Variants in FARP2 observed in about 807,000 individuals in gnomAD.
The protein encoded by FARP2 is FERM, ARH/RhoGEF and pleckstrin domain protein 2.
Under a neutral mutation model 130.5 loss-of-function variants are expected in FARP2, and 111 were observed. That is an observed-to-expected ratio of 0.85 (90% CI 0.73 to 1.00). The LOEUF is 1.00. FARP2 is among the 50% of genes least tolerant of loss of function. The pLI, the probability that FARP2 is intolerant of heterozygous loss-of-function variation, is 0.00. For missense variants in FARP2, 1,385 were observed against 1,346.3 expected, an observed-to-expected ratio of 1.03 and a Z score of -0.45; for synonymous variants, 504 against 516.9, an observed-to-expected ratio of 0.98 and a Z score of 0.34.
At chr2:241,429,197 G>GA (rs1157639688) in intron 8 of FARP2, among the ~76,000 whole-genome samples, 1 of 152,178 alleles carries the variant, frequency 6.6e-6, no homozygotes, top group Non-Finnish European at 1.5e-5. Flanking sequence ...AAACAGCACA[G>GA]AAAGGTCCTG....
chr2:241,445,136 T>C (rs1337583005), intron 13 of FARP2: 1 of 149,948 alleles, frequency 6.7e-6, no homozygotes, highest in Non-Finnish European at 1.5e-5. Flanking sequence ...CTCTTCATGT[T>C]GCCCAGGATG....
At chr2:241,360,657 G>A (rs1277580484) in intron 1 of FARP2, among the ~76,000 whole-genome samples, 1 of 144,322 alleles carries the variant, frequency 6.9e-6, no homozygotes, top group East Asian at 2.1e-4. Context: ...CTGGGTGACA[G>A]AGCGAGACTC....
chr2:241,476,184 G>C (rs2064454091), intron 19 of FARP2, among the ~76,000 whole-genome samples, 197 bp downstream of exon 19: 1 of 142,298 alleles, frequency 7.0e-6, no homozygotes, highest in African/African-American at 2.6e-5. Context: ...ACCAGACTGA[G>C]CAACACAGGG....
intron 13 of FARP2, among the ~76,000 whole-genome samples, chr2:241,451,880 G>A (rs1275036549): frequency 1.3e-5 from 2 of 151,812 alleles, no homozygotes; most frequent in African/African-American, 4.8e-5. Flanking sequence ...TCAGCCTCCC[G>A]AGTAGCTAGA....
At chr2:241,474,676 C>T (rs149679796) in intron 18 of FARP2, among the ~76,000 whole-genome samples, 3,123 of 151,866 alleles carry the variant, frequency 0.021, 50 homozygotes, top group Non-Finnish European at 0.031. Context: ...TCTGTAGTCC[C>T]CGCTACTCGG....
chr2:241,438,251 T>C (rs1048462502), intron 12 of FARP2, among the ~76,000 whole-genome samples: 1 of 152,166 alleles, frequency 6.6e-6, no homozygotes, highest in African/African-American at 2.4e-5. Flanking sequence ...CACTTGCACC[T>C]CATTATATTA....
rs145227767 is a variant in FARP2, at chr2:241,429,868, A to G, written c.772-1811A>G. Among the ~76,000 whole-genome samples the G allele has an allele frequency of 5.4e-3, 825 of 152,352 alleles. 13 individuals are homozygous for G. Among genetic ancestry groups the G allele is most frequent in the African/African-American group, 0.019 (772 of 41,576 alleles). On this transcript the variant is annotated intron_variant, in intron 8 of 26. Coordinates refer to ENST00000264042, the MANE Select transcript of FARP2 (RefSeq NM_014808.4). Reference sequence around the variant, plus strand: ...GAGGCTGAGACAGGATGATTGCTTAAGCCCAGGAGTTTGAGACTCCTTATC... The same window carrying G: ...GAGGCTGAGACAGGATGATTGCTTAGGCCCAGGAGTTTGAGACTCCTTATC...
intron 4 of FARP2, among the ~76,000 whole-genome samples, chr2:241,405,936 A>G (rs1289626200): frequency 6.6e-6 from 1 of 151,460 alleles, no homozygotes; most frequent in Non-Finnish European, 1.5e-5. Context: ...TGCATCTGAG[A>G]AAAAAAAAGT....
chr2:241,467,051 T>C (rs937549325), intron 17 of FARP2, among the ~76,000 whole-genome samples: 2 of 151,262 alleles, frequency 1.3e-5, no homozygotes, highest in African/African-American at 4.9e-5. Flanking sequence ...GTCCAGGAGT[T>C]TGAAACCAGC....
intron 2 of FARP2, among the ~76,000 whole-genome samples, chr2:241,386,462 C>G (rs1353034371): frequency 2.0e-5 from 3 of 152,056 alleles, no homozygotes; most frequent in African/African-American, 2.4e-5. Context: ...GACAGGAGGC[C>G]GGCTCAGATC....
chr2:241,367,931 T>C (rs1490881702), intron 1 of FARP2, among the ~76,000 whole-genome samples: 1 of 151,792 alleles, frequency 6.6e-6, no homozygotes, highest in Non-Finnish European at 1.5e-5. Flanking sequence ...ATAGCAAAAT[T>C]AAGCAGGAGA....
At chr2:241,403,216 A>G (rs893415414) in intron 2 of FARP2, among the ~76,000 whole-genome samples, 2 of 151,846 alleles carry the variant, frequency 1.3e-5, no homozygotes, top group Admixed American at 6.6e-5. Context: ...AGTAAATATT[A>G]AAATTACTTT....
chr2:241,422,112 T>C (rs530695215), intron 8 of FARP2, among the ~76,000 whole-genome samples: 3 of 151,790 alleles, frequency 2.0e-5, no homozygotes, highest in African/African-American at 7.3e-5. Flanking sequence ...ACCACTGCAC[T>C]CCACCCTGGG....
At chr2:241,440,393 T>G (rs2063352158) in intron 12 of FARP2, among the ~76,000 whole-genome samples, 1 of 152,146 alleles carries the variant, frequency 6.6e-6, no homozygotes, top group Admixed American at 6.5e-5. Context: ...TGTGGAACCA[T>G]GAGGGGAGGA....
intron 18 of FARP2, among the ~76,000 whole-genome samples, chr2:241,474,582 G>A (rs958942615): frequency 2.6e-5 from 4 of 151,604 alleles, no homozygotes; most frequent in Non-Finnish European, 4.4e-5. Context: ...TCTGACGTCA[G>A]GAGTGGGAGA....
At chr2:241,401,995 G>A (rs1394909006) in intron 2 of FARP2, among the ~76,000 whole-genome samples, 1 of 151,996 alleles carries the variant, frequency 6.6e-6, no homozygotes, top group Non-Finnish European at 1.5e-5. Context: ...TTGCCATGTT[G>A]GCTAGGCTGG....
intron 13 of FARP2, among the ~76,000 whole-genome samples, chr2:241,450,006 CAA>C (rs1244240579): frequency 1.1e-4 from 13 of 115,090 alleles, no homozygotes; most frequent in African/African-American, 9.7e-5. Context: ...GACTCCATCT[CAA>C]AAAAAAAAAA....
intron 2 of FARP2, among the ~76,000 whole-genome samples, chr2:241,399,183 G>T (rs1574736943): frequency 6.6e-6 from 1 of 152,156 alleles, no homozygotes; most frequent in East Asian, 1.9e-4. Context: ...TTGGACATTT[G>T]AATATCCTCT....
intron 13 of FARP2, 102 bp downstream of exon 13, chr2:241,441,658 C>T (rs748103546): frequency 6.7e-7 from 1 of 1,489,052 alleles, no homozygotes; most frequent in African/African-American, 1.4e-5. Context: ...CGGTAGGGAG[C>T]TCAGCGCTGC....
Sources: gnomAD v4.1 joint callset for allele counts (sites outside exome capture counted in the v4.1 genomes callset) on GRCh38, gnomAD v4.1.1 for gene constraint, MANE v1.5 for transcripts, NCBI Gene and HGNC (gene_info 2026-07-23, HGNC 2026-07-21) for gene names.